The following COL9A1 variants were observed in gnomAD, a reference collection of about 807,000 sequenced individuals.
The protein encoded by COL9A1 is collagen alpha-1(IX) chain.
COL9A1 carries 104 observed loss-of-function variants against 142.6 expected under a neutral mutation model. The observed-to-expected ratio is 0.73, with a 90% CI of 0.62 to 0.86. The LOEUF (loss-of-function observed/expected upper bound fraction) is 0.86. Ranked by LOEUF, COL9A1 falls within the 40% of genes least tolerant of loss-of-function variation. The pLI is 0.00. For missense variants in COL9A1, 1,210 were observed against 1,176.6 expected, an observed-to-expected ratio of 1.03 and a Z score of -0.42; for synonymous variants, 466 against 396.0, an observed-to-expected ratio of 1.18 and a Z score of -2.10.
At chr6:70,293,911 T>C (rs1210819421) in intron 5 of COL9A1, among the ~76,000 whole-genome samples, 3 of 152,228 alleles carry the variant, frequency 2.0e-5, no homozygotes, top group Admixed American at 1.3e-4. Context: ...ATTAGTTATG[T>C]GTACACAATA....
At chr6:70,270,422 C>T in intron 14 of COL9A1, 55 bp from the exon 15 acceptor site, 2 of 1,533,940 alleles carry the variant, frequency 1.3e-6, no homozygotes, top group Non-Finnish European at 1.8e-6. Context: ...AAACACAGTA[C>T]ATAAAACCAG....
At chr6:70,280,024 C>A in intron 10 of COL9A1, 1 of 693,140 alleles carries the variant, frequency 1.4e-6, no homozygotes, top group South Asian at 1.6e-5. Context: ...TGTAGTGGGT[C>A]ATTATTACAT....
intron 5 of COL9A1, among the ~76,000 whole-genome samples, chr6:70,291,298 C>T (rs1023800367): frequency 4.6e-5 from 7 of 152,076 alleles, no homozygotes; most frequent in African/African-American, 1.4e-4. Context: ...AATGAGAGTC[C>T]ATCTGTCTGA....
chr6:70,261,377 GC>G (rs34079392), intron 19 of COL9A1, among the ~76,000 whole-genome samples: 47,529 of 151,830 alleles, frequency 0.31, 7,680 homozygotes, highest in African/African-American at 0.39. Flanking sequence ...GGACTCTCTG[GC>G]CCCCATACTA....
chr6:70,215,666 T>C (rs925957894), downstream of COL9A1: 5 of 152,178 alleles, frequency 3.3e-5, no homozygotes, highest in African/African-American at 1.2e-4. Context: ...GCTGCATTTA[T>C]AAAATTTACA....
chr6:70,252,287 C>G lies in COL9A1; in HGVS notation c.1793G>C (p.Gly598Ala). 1 of 1,614,174 alleles carries G rather than the reference C, an allele frequency of 6.2e-7. No individual in the cohort carries two copies. The highest frequency in any genetic ancestry group is 1.1e-5 in the South Asian group (1 of 91,086). ...CGGTTTGCCTGAATTTCCCATCTGA[C>G]CAGGCTTCCCTGGAGCACCTGTGCT... The part of the protein sequence containing the change: ...KGSTGAPGKP[G>A]QMGNSGKPGQ... Residue 598 changes from glycine to alanine, a missense_variant, in exon 27 of 38, where the codon GGT becomes GCT. Transcript: ENST00000357250.
At chr6:70,281,086 G>A (rs1203111781) in intron 8 of COL9A1, 47 bp from the exon 9 acceptor site, 3 of 1,515,194 alleles carry the variant, frequency 2.0e-6, no homozygotes, top group Admixed American at 1.8e-5. Context: ...AGCGGGATAG[G>A]CTGAGGACCC....
intron 36 of COL9A1, among the ~76,000 whole-genome samples, chr6:70,230,083 C>T (rs988453475): frequency 6.6e-6 from 1 of 152,108 alleles, no homozygotes; most frequent in African/African-American, 2.4e-5. Context: ...GGGAAAAAAG[C>T]CAGCAAGCAA....
intron 7 of COL9A1, 134 bp from the exon 8 acceptor site, chr6:70,281,598 G>T: frequency 1.6e-6 from 1 of 634,838 alleles, no homozygotes; most frequent in Non-Finnish European, 2.8e-6. Context: ...GCAACCCAAC[G>T]CAAAAATGTC....
chr6:70,229,582 A>C (rs945079059), intron 36 of COL9A1, among the ~76,000 whole-genome samples: 1 of 152,178 alleles, frequency 6.6e-6, no homozygotes, highest in East Asian at 1.9e-4. Flanking sequence ...TCAAACCTTC[A>C]TTTACATATT....
At chr6:70,223,493 T>C (rs534657618) in intron 37 of COL9A1, among the ~76,000 whole-genome samples, 24 of 152,330 alleles carry the variant, frequency 1.6e-4, no homozygotes, top group African/African-American at 5.5e-4. Flanking sequence ...GTCTGAATTG[T>C]AGATGCCACT....
At chr6:70,257,322 G>A (rs1771382516) in intron 20 of COL9A1, among the ~76,000 whole-genome samples, 1 of 152,100 alleles carries the variant, frequency 6.6e-6, no homozygotes, top group Admixed American at 6.5e-5. Context: ...GCCTCCCAAA[G>A]TGCTGAGATT....
At chr6:70,229,830 G>C (rs1769441866) in intron 36 of COL9A1, among the ~76,000 whole-genome samples, 1 of 152,118 alleles carries the variant, frequency 6.6e-6, no homozygotes, top group Admixed American at 6.5e-5. Context: ...AAAAATTATA[G>C]ATATAACCTA....
At chr6:70,220,065 T>C (rs1768771672) in intron 37 of COL9A1, among the ~76,000 whole-genome samples, 1 of 152,160 alleles carries the variant, frequency 6.6e-6, no homozygotes, top group African/African-American at 2.4e-5. Context: ...CTTGATTTAT[T>C]TTATGAAGCA....
intron 5 of COL9A1, 45 bp downstream of exon 5, chr6:70,294,122 T>C (rs750200542): frequency 6.2e-7 from 1 of 1,609,972 alleles, no homozygotes; most frequent in South Asian, 1.1e-5. Flanking sequence ...TTTTTACCAA[T>C]CTAGTTTTGC....
chr6:70,238,690 C>A (rs978938084), intron 33 of COL9A1, among the ~76,000 whole-genome samples: 5 of 152,100 alleles, frequency 3.3e-5, no homozygotes, highest in African/African-American at 9.7e-5. Context: ...CTCATTGAGT[C>A]ATTTACAATA....
intron 18 of COL9A1, among the ~76,000 whole-genome samples, chr6:70,266,353 T>C (rs1316385818): frequency 6.6e-6 from 1 of 152,178 alleles, no homozygotes; most frequent in Non-Finnish European, 1.5e-5. Flanking sequence ...TGTCATAAAA[T>C]TTTACAAATG....
At position 70,281,931 on chromosome 6, in the gene COL9A1, G is replaced by A. The variant is rs1038903223; in HGVS notation, c.802-467C>T. 7.2e-5 allele frequency among the ~76,000 whole-genome samples: 11 copies of A among 152,266 alleles called. No individual in the cohort carries two copies. In the East Asian group the frequency reaches 1.9e-3, roughly 27 times the overall value. On this transcript the variant is annotated intron_variant, in intron 7 of 37. Transcript: ENST00000357250. ...TTGTCCAGTAGAATGGGGAGGCGGG[G>A]CGTACACTTGAGGAAAAGATTTGGG...
chr6:70,292,820 A>G (rs1416307039), intron 5 of COL9A1, among the ~76,000 whole-genome samples: 1 of 152,174 alleles, frequency 6.6e-6, no homozygotes, highest in African/African-American at 2.4e-5. Flanking sequence ...CATTGCAAAG[A>G]TCTTGCTGCA....
Sources: allele counts gnomAD v4.1 joint callset (sites outside exome capture counted in the v4.1 genomes callset), GRCh38; gene constraint gnomAD v4.1.1; transcripts MANE v1.5; gene names NCBI Gene and HGNC (gene_info 2026-07-23, HGNC 2026-07-21).